GXYLT1: variants seen among roughly 807,000 people sequenced by gnomAD.
GXYLT1 encodes the protein glycosyltransferase 8 domain containing 3.
In GXYLT1, 29 loss-of-function variants were observed where a neutral mutation model predicts 54.0. That is an observed-to-expected ratio of 0.54 (90% confidence interval 0.40 to 0.73). The LOEUF (loss-of-function observed/expected upper bound fraction) is 0.73, where lower values mean the gene tolerates loss of function less well. GXYLT1 is among the 30% of genes least tolerant of loss of function. GXYLT1 has a pLI of 0.00. For synonymous variants in GXYLT1, 176 were observed against 204.1 expected, an observed-to-expected ratio of 0.86 and a Z score of 1.17; for missense variants, 490 against 553.4, an observed-to-expected ratio of 0.89 and a Z score of 1.15.
chr12:42,106,110 T>A (rs1221150393), intron 4 of GXYLT1, 41 bp from the exon 5 acceptor site: 1 of 1,426,236 alleles, frequency 7.0e-7, no homozygotes, highest in African/African-American at 1.5e-5. Context: ...ATAATTCTAT[T>A]TTAAAAAGAA....
chr12:42,112,246 C>T (rs1287171306), intron 3 of GXYLT1, among the ~76,000 whole-genome samples: 4 of 152,206 alleles, frequency 2.6e-5, no homozygotes, highest in South Asian at 2.1e-4. Flanking sequence ...GCCTCTCCTC[C>T]TCCAAAGGAA....
At position 42,109,644 on chromosome 12, in the gene GXYLT1, G is replaced by A; in HGVS notation, c.534C>T (p.Pro178=). ...FLQTFNYTLY[P]ITFPSENAAE... is the part of the protein sequence containing the mutation. ...CTGCATTCTCACTTGGAAAGGTTAT[G>A]GGGTATAACGTATAATTAAATGTTT... The change falls in exon 4 of 8, where the codon CCC becomes CCT. Residue 178 remains proline, a synonymous_variant. Coordinates refer to ENST00000398675, the MANE Select transcript of GXYLT1 (RefSeq NM_173601.2). 7 of 1,578,068 alleles carry A rather than the reference G, an allele frequency of 4.4e-6. No homozygotes were observed. Among genetic ancestry groups the A allele is most frequent in the Non-Finnish European group, 6.1e-6 (7 of 1,155,850 alleles).
chr12:42,093,045 C>T (rs1209227266), intron 7 of GXYLT1, among the ~76,000 whole-genome samples: 2 of 152,190 alleles, frequency 1.3e-5, no homozygotes, highest in African/African-American at 4.8e-5. Context: ...GATGTCTCAA[C>T]ACCATCAAAA....
intron 2 of GXYLT1, among the ~76,000 whole-genome samples, chr12:42,127,304 A>G (rs928302064): frequency 5.3e-5 from 8 of 152,130 alleles, no homozygotes; most frequent in Non-Finnish European, 1.0e-4. Flanking sequence ...CTAAATAAGA[A>G]ACTAAGTTTG....
intron 7 of GXYLT1, among the ~76,000 whole-genome samples, chr12:42,089,233 T>C (rs2065315171): frequency 6.6e-6 from 1 of 150,618 alleles, no homozygotes. Context: ...CCAGGCACCA[T>C]TCTAAGAGTT....
Position 42,131,849 on chromosome 12 carries a change from C to T in GXYLT1, c.222-1998G>A, listed in dbSNP as rs542389150. 6.6e-4 allele frequency among the ~76,000 whole-genome samples: 101 copies of T among 152,244 alleles called. No individual in the cohort carries two copies. The Middle Eastern group carries it at 0.027, about 41-fold the overall frequency. On this transcript the variant is annotated intron_variant, in intron 1 of 7. Transcript: ENST00000398675. ...CACACCCATTTAGACTCACTAGAAA[C>T]GTTTTAAGGTAGGTATGATCTCCGT... is the stretch of plus-strand genomic sequence containing the variant.
At chr12:42,113,983 A>G (rs1026065066) in intron 3 of GXYLT1, among the ~76,000 whole-genome samples, 11 of 152,272 alleles carry the variant, frequency 7.2e-5, no homozygotes, top group African/African-American at 1.4e-4. Context: ...ACTCACTCAA[A>G]ACCACTCAAC....
intron 7 of GXYLT1, among the ~76,000 whole-genome samples, chr12:42,094,627 C>G (rs1306279907): frequency 3.3e-5 from 5 of 151,602 alleles, no homozygotes; most frequent in African/African-American, 1.2e-4. Flanking sequence ...CCACTGCACT[C>G]CAGCCTGGGT....
At chr12:42,125,842 G>A (rs958851100) in intron 2 of GXYLT1, among the ~76,000 whole-genome samples, 4 of 151,840 alleles carry the variant, frequency 2.6e-5, no homozygotes, top group Non-Finnish European at 5.9e-5. Flanking sequence ...TAGCGAGACA[G>A]CGAGACCTTG....
At chr12:42,132,242 T>C (rs2065597403) in intron 1 of GXYLT1, among the ~76,000 whole-genome samples, 1 of 152,104 alleles carries the variant, frequency 6.6e-6, no homozygotes, top group Non-Finnish European at 1.5e-5. Flanking sequence ...CCCAGAGAAG[T>C]GGCCTAAAAA....
chr12:42,126,003 G>A (rs536951225), intron 2 of GXYLT1, among the ~76,000 whole-genome samples: 2 of 152,186 alleles, frequency 1.3e-5, no homozygotes, highest in Admixed American at 1.3e-4. Context: ...CGCCAGCCTG[G>A]GCGACAAAGT....
chr12:42,108,192 T>C (rs925374341), intron 4 of GXYLT1, among the ~76,000 whole-genome samples: 8 of 152,224 alleles, frequency 5.3e-5, no homozygotes, highest in Admixed American at 1.3e-4. Context: ...CTGGCAAATT[T>C]CATGTAACAA....
At chr12:42,097,351 T>C in intron 7 of GXYLT1, 91 bp downstream of exon 7, 1 of 994,372 alleles carries the variant, frequency 1.0e-6, no homozygotes, top group Non-Finnish European at 1.4e-6. Context: ...TGAGTGTGTG[T>C]AAAAATTCTT....
intron 6 of GXYLT1, 21 bp downstream of exon 6, chr12:42,097,888 TA>T: frequency 1.3e-6 from 2 of 1,532,636 alleles, no homozygotes; most frequent in Non-Finnish European, 1.8e-6. Flanking sequence ...TTAATGCAAA[TA>T]AAAGGAATTT....
chr12:42,111,503 G>T (rs965085089), intron 3 of GXYLT1, among the ~76,000 whole-genome samples: 2 of 152,250 alleles, frequency 1.3e-5, no homozygotes, highest in African/African-American at 4.8e-5. Context: ...GGCTCAGAGG[G>T]TCCTATGCCC....
intron 4 of GXYLT1, 25 bp from the exon 5 acceptor site, chr12:42,106,094 TTAAC>T: frequency 2.0e-6 from 3 of 1,467,908 alleles, no homozygotes; most frequent in Non-Finnish European, 1.9e-6. Context: ...ATTTGAATGA[TTAAC>T]TATAATTCTA....
intron 5 of GXYLT1, among the ~76,000 whole-genome samples, chr12:42,102,031 T>G (rs1164882677): frequency 6.6e-6 from 1 of 152,196 alleles, no homozygotes; most frequent in Non-Finnish European, 1.5e-5. Context: ...ACAATTTAGT[T>G]TCATAACATT....
intron 3 of GXYLT1, among the ~76,000 whole-genome samples, chr12:42,114,709 G>A (rs2065482015): frequency 6.6e-6 from 1 of 152,144 alleles, no homozygotes; most frequent in South Asian, 2.1e-4. Context: ...GTACAAAGAG[G>A]AGCTGGTACC....
At position 42,086,113 on chromosome 12, in the gene GXYLT1, A is replaced by G. The variant is rs2065291808; in HGVS notation, c.*1673T>C. On this transcript the variant is annotated 3_prime_UTR_variant, in exon 8 of 8. Transcript: ENST00000398675. Reference sequence around the variant, plus strand: ...CATTATTTGAGGACCATTAGAAATGATCTAATACATACCCTCCAAACTTCA... The same window carrying G: ...CATTATTTGAGGACCATTAGAAATGGTCTAATACATACCCTCCAAACTTCA... 6.6e-6 allele frequency: 1 copy of G among 152,264 alleles called. No individual in the cohort carries two copies. Among genetic ancestry groups the G allele is most frequent in the African/African-American group, 2.4e-5 (1 of 41,480 alleles). The allele number at this position is 152,264 out of a possible 1,614,324, so 9.4% of individuals were successfully genotyped here. A position where few individuals can be genotyped will look rare whatever the true frequency, so the allele number is the denominator to read the frequency against.
Sources: allele counts gnomAD v4.1 joint callset (sites outside exome capture counted in the v4.1 genomes callset), GRCh38; gene constraint gnomAD v4.1.1; transcripts MANE v1.5; gene names NCBI Gene and HGNC (gene_info 2026-07-23, HGNC 2026-07-21).